Variants in DTNB observed in about 807,000 individuals in gnomAD.
DTNB encodes the protein DTN-B.
A neutral mutation model predicts 90.7 loss-of-function variants in DTNB; 63 were observed. That is an observed-to-expected ratio of 0.69 (90% CI 0.57 to 0.86). The LOEUF (loss-of-function observed/expected upper bound fraction) is 0.86. Among genes scored for constraint, DTNB ranks in the 40% least tolerant of loss-of-function variants. The probability of loss-of-function intolerance (pLI) is 0.00; values close to 1 mark genes in which losing one functional copy is unlikely to be tolerated. For missense variants in DTNB, 744 were observed against 807.1 expected (o/e 0.92, Z 0.95); for synonymous variants, 277 against 286.7 (o/e 0.97, Z 0.34).
intron 8 of DTNB, among the ~76,000 whole-genome samples, chr2:25,545,571 T>C (rs190151786): frequency 6.6e-6 from 1 of 152,318 alleles, no homozygotes; most frequent in East Asian, 1.9e-4. Flanking sequence ...TTATCCAATA[T>C]GGAAGCCACT....
chr2:25,408,321 A>G (rs1266007378), intron 16 of DTNB, among the ~76,000 whole-genome samples: 1 of 151,618 alleles, frequency 6.6e-6, no homozygotes, highest in Non-Finnish European at 1.5e-5. Flanking sequence ...AAAAAAAAAA[A>G]GAGTTCGAGA....
At chr2:25,559,386 TTC>T (rs1353435757) in intron 8 of DTNB, among the ~76,000 whole-genome samples, 1 of 152,168 alleles carries the variant, frequency 6.6e-6, no homozygotes, top group Non-Finnish European at 1.5e-5. Flanking sequence ...GCTGCTTTCT[TTC>T]TCACACCCCT....
intron 9 of DTNB, among the ~76,000 whole-genome samples, chr2:25,496,800 A>G (rs1216395642): frequency 6.6e-6 from 1 of 150,614 alleles, no homozygotes; most frequent in Non-Finnish European, 1.5e-5. Context: ...CTGAGATTGC[A>G]CCACTGCACT....
intron 1 of DTNB, among the ~76,000 whole-genome samples, chr2:25,653,515 C>CTTTTTTTT (rs1179518465): frequency 2.2e-4 from 14 of 62,244 alleles, no homozygotes; most frequent in Non-Finnish European, 2.2e-4. Context: ...TTCTTTCTTT[C>CTTTTTTTT]TTTTTTTTTT....
At position 25,504,152 on chromosome 2, in the gene DTNB, T is replaced by C. The variant is rs545053483; in HGVS notation, c.1002-21279A>G. ...GAGCAGTGGCACATGCCTGTAATCC[T>C]AGCTACCTGGGAGGCTGAAGCACAA... On this transcript the variant is annotated intron_variant, in intron 9 of 20. Coordinates refer to ENST00000406818, the MANE Select transcript of DTNB (RefSeq NM_021907.5). 4.0e-5 allele frequency among the ~76,000 whole-genome samples: 6 copies of C among 151,896 alleles called. No individual in the cohort carries two copies. The South Asian group carries it at 1.0e-3, about 26-fold the overall frequency.
chr2:25,549,746 G>A (rs909848142), intron 8 of DTNB, among the ~76,000 whole-genome samples: 1 of 151,874 alleles, frequency 6.6e-6, no homozygotes, highest in South Asian at 2.1e-4. Context: ...CTGCAGCCTT[G>A]ACCTCCTGAG....
intron 15 of DTNB, among the ~76,000 whole-genome samples, chr2:25,421,764 A>G (rs1217964292): frequency 2.6e-5 from 4 of 152,220 alleles, no homozygotes; most frequent in Admixed American, 1.3e-4. Context: ...TATTAAAGAG[A>G]ACACTGCTGT....
Position 25,539,726 on chromosome 2 carries a change from T to C in DTNB, c.877-8129A>G, listed in dbSNP as rs6760591. On this transcript the variant is annotated intron_variant, in intron 8 of 20. Transcript: ENST00000406818. ...TTTGATGAACATCTTTAAATATCAG[T>C]GGTCCCAATGTAGTAATTTTTTCCT... 4.3e-3 allele frequency among the ~76,000 whole-genome samples: 652 copies of C among 152,246 alleles called. 4 individuals carry two copies. The highest frequency in any genetic ancestry group is 0.015 in the African/African-American group (611 of 41,546).
At chr2:25,397,337 CAAAAA>C (rs749225408) in intron 16 of DTNB, among the ~76,000 whole-genome samples, 2 of 63,400 alleles carry the variant, frequency 3.2e-5, no homozygotes, top group Admixed American at 1.8e-4. Flanking sequence ...GACTCTGTCT[CAAAAA>C]AAAAAAAAAA....
intron 9 of DTNB, among the ~76,000 whole-genome samples, chr2:25,491,902 GA>G (rs1056516532): frequency 5.3e-4 from 76 of 143,514 alleles, no homozygotes; most frequent in Middle Eastern, 3.7e-3. Flanking sequence ...TTTACAGATG[GA>G]AAAAAAAAAA....
At chr2:25,483,780 T>C (rs995902458) in intron 9 of DTNB, among the ~76,000 whole-genome samples, 14 of 152,222 alleles carry the variant, frequency 9.2e-5, no homozygotes, top group African/African-American at 3.4e-4. Context: ...TGACTATTGC[T>C]AAATACTTAA....
At chr2:25,567,912 G>C (rs1349506781) in intron 8 of DTNB, among the ~76,000 whole-genome samples, 1 of 152,206 alleles carries the variant, frequency 6.6e-6, no homozygotes, top group African/African-American at 2.4e-5. Context: ...TGTAATCCCA[G>C]CACTTTGGGA....
intron 8 of DTNB, among the ~76,000 whole-genome samples, chr2:25,569,187 T>C (rs1014672744): frequency 5.3e-5 from 8 of 152,116 alleles, no homozygotes; most frequent in African/African-American, 1.9e-4. Context: ...AGGCCCCAGA[T>C]GGCATGGAGC....
At chr2:25,552,540 C>A (rs904749620) in intron 8 of DTNB, among the ~76,000 whole-genome samples, 16 of 152,216 alleles carry the variant, frequency 1.1e-4, no homozygotes, top group Non-Finnish European at 5.9e-5. Context: ...AGAACACTGA[C>A]GACACTATCC....
At position 25,514,210 on chromosome 2, in the gene DTNB, G is replaced by A. The variant is rs2150721095; in HGVS notation, c.1001+17263C>T. Among the ~76,000 whole-genome samples, 2 of 152,258 alleles carry A rather than the reference G, an allele frequency of 1.3e-5. 1 individual carries two copies. Among genetic ancestry groups the A allele is most frequent in the South Asian group, 4.1e-4 (2 of 4,820 alleles). ...TATCTCTGAGAAGCTAACATTTAAG[G>A]AGAGATCTGAATAACATAAACAAAT... On this transcript the variant is annotated intron_variant, in intron 9 of 20. Transcript: ENST00000406818.
intron 8 of DTNB, among the ~76,000 whole-genome samples, chr2:25,551,523 G>T (rs931568401): frequency 6.6e-6 from 1 of 152,120 alleles, no homozygotes; most frequent in Non-Finnish European, 1.5e-5. Context: ...GCAGCTTCAG[G>T]GTCCCAGCAG....
At position 25,432,879 on chromosome 2, in the gene DTNB, T is replaced by C. The variant is rs1270907240; in HGVS notation, c.1457+7A>G. 3 of 1,589,890 alleles carry C rather than the reference T, an allele frequency of 1.9e-6. No homozygotes were observed. Among genetic ancestry groups the C allele is most frequent in the African/African-American group, 1.3e-5 (1 of 74,696 alleles). On this transcript the variant is annotated splice_region_variant and intron_variant, in intron 14 of 20. Transcript: ENST00000406818. ...CATGTGGCAAGTGGTAGAGTGTCCC[T>C]ACTCACCTCAGCAGCCGCAGCTCTG...
At chr2:25,668,972 A>G (rs1360779500) in intron 1 of DTNB, among the ~76,000 whole-genome samples, 4 of 152,264 alleles carry the variant, frequency 2.6e-5, no homozygotes, top group African/African-American at 7.2e-5. Context: ...ACATGCTACA[A>G]TATGAATGAA....
At chr2:25,569,081 C>A (rs1470736208) in intron 8 of DTNB, among the ~76,000 whole-genome samples, 1 of 152,196 alleles carries the variant, frequency 6.6e-6, no homozygotes, top group East Asian at 1.9e-4. Flanking sequence ...CAGATCCCGG[C>A]CTTCCCCATC....
Sources: gnomAD v4.1 joint callset for allele counts (sites outside exome capture counted in the v4.1 genomes callset) on GRCh38, gnomAD v4.1.1 for gene constraint, MANE v1.5 for transcripts, NCBI Gene and HGNC (gene_info 2026-07-23, HGNC 2026-07-21) for gene names.